MTOR: variants seen among roughly 807,000 people sequenced by gnomAD.
MTOR encodes mechanistic target of rapamycin kinase.
Under a neutral mutation model 319.8 loss-of-function variants are expected in MTOR, and 70 were observed. That is an observed-to-expected ratio of 0.22 (90% CI 0.18 to 0.27). The LOEUF is 0.27. Among genes scored for constraint, MTOR ranks in the 10% least tolerant of loss-of-function variants. The pLI is 1.00. For missense variants in MTOR, 1,890 were observed against 3,274.4 expected (o/e 0.58, Z 10.32); for synonymous variants, 1,183 against 1,211.4 (o/e 0.98, Z 0.49).
At chr1:11,160,077 T>C (rs546146608) in intron 29 of MTOR, among the ~76,000 whole-genome samples, 1 of 144,858 alleles carries the variant, frequency 6.9e-6, no homozygotes, top group East Asian at 2.0e-4. Context: ...AATTATAGCA[T>C]TTATTTATTT....
At chr1:11,172,422 G>C (rs1315676511) in intron 28 of MTOR, among the ~76,000 whole-genome samples, 1 of 150,582 alleles carries the variant, frequency 6.6e-6, no homozygotes, top group Non-Finnish European at 1.5e-5. Flanking sequence ...GCCAGGCATG[G>C]TGGTGGGCGC....
intron 30 of MTOR, 95 bp from the exon 31 acceptor site, chr1:11,150,321 G>A: frequency 1.1e-6 from 1 of 948,318 alleles, no homozygotes; most frequent in East Asian, 2.7e-5. Flanking sequence ...GGACTACACA[G>A]GAACTGGACA....
At chr1:11,228,556 G>T in intron 19 of MTOR, 112 bp downstream of exon 19, 2 of 1,385,346 alleles carry the variant, frequency 1.4e-6, no homozygotes, top group Non-Finnish European at 2.0e-6. Context: ...GGGGAGGAAG[G>T]CATTGGGCTC....
At chr1:11,144,870 C>A in intron 33 of MTOR, 98 bp downstream of exon 33, 1 of 1,515,444 alleles carries the variant, frequency 6.6e-7, no homozygotes, top group South Asian at 1.1e-5. Context: ...AGAAAACAGG[C>A]ATGTTTCCAG....
intron 31 of MTOR, among the ~76,000 whole-genome samples, chr1:11,148,726 C>T (rs771292528): frequency 2.0e-4 from 30 of 152,028 alleles, no homozygotes; most frequent in Middle Eastern, 6.8e-3. Flanking sequence ...ATGGTGAAAC[C>T]CCGTCTCTAC....
At chr1:11,116,219 TTTGG>T (rs1642157998) in intron 50 of MTOR, among the ~76,000 whole-genome samples, 1 of 152,348 alleles carries the variant, frequency 6.6e-6, no homozygotes, top group East Asian at 1.9e-4. Flanking sequence ...AAGGATCTAC[TTTGG>T]TTGGTTTCAA....
At chr1:11,114,601 C>T in intron 52 of MTOR, 148 bp from the exon 53 acceptor site, 3 of 1,224,772 alleles carry the variant, frequency 2.4e-6, no homozygotes, top group South Asian at 2.9e-5. Flanking sequence ...GGAATCAGGG[C>T]AGGACTGTGA....
rs1642100566 is a variant in MTOR, at chr1:11,115,160, G to A, written c.7089+236C>T. 6.6e-6 allele frequency among the ~76,000 whole-genome samples: 1 copy of A among 152,316 alleles called. No individual in the cohort carries two copies. Among genetic ancestry groups the A allele is most frequent in the South Asian group, 2.1e-4 (1 of 4,830 alleles). ...GCTCTTGGGCAACAGGTGGTATGGAGGGTAGGGGCCTACTCTACTCAGAGG... is the reference window on the plus strand; with the variant it reads ...GCTCTTGGGCAACAGGTGGTATGGAAGGTAGGGGCCTACTCTACTCAGAGG... On this transcript the variant is annotated intron_variant, in intron 51 of 57. Transcript: ENST00000361445. This position sits in a 1 kb window ranked among gnomAD's most constrained non-coding sequence, Gnocchi z 4.5.
At position 11,107,364 on chromosome 1, in the gene MTOR, AT is replaced by A. The variant is rs2100275667; in HGVS notation, c.*120del. ...CTTTTAATATACAGTAGTTCTTTTCATTTACATTTCAAAATATTTAACAAAG... is the reference window on the plus strand; with the variant it reads ...CTTTTAATATACAGTAGTTCTTTTCATTACATTTCAAAATATTTAACAAAG... On this transcript the variant is annotated 3_prime_UTR_variant, in exon 58 of 58. Coordinates refer to ENST00000361445, the MANE Select transcript of MTOR (RefSeq NM_004958.4). 13 of 1,548,286 alleles carry A rather than the reference AT, an allele frequency of 8.4e-6. No homozygotes were observed. The South Asian group carries it at 1.1e-4, about 13-fold the overall frequency.
intron 28 of MTOR, among the ~76,000 whole-genome samples, chr1:11,175,709 T>G (rs987348585): frequency 6.7e-6 from 1 of 150,062 alleles, no homozygotes; most frequent in Non-Finnish European, 1.5e-5. Flanking sequence ...GCCTGCTGCC[T>G]CCCCATAGCC....
chr1:11,256,815 G>T, intron 4 of MTOR, 118 bp downstream of exon 4: 1 of 941,362 alleles, frequency 1.1e-6, no homozygotes, highest in Non-Finnish European at 1.6e-6. Context: ...TCACAGCCTG[G>T]AATCCTAGCT....
intron 19 of MTOR, among the ~76,000 whole-genome samples, chr1:11,225,557 G>C (rs1646807888): frequency 6.6e-6 from 1 of 151,946 alleles, no homozygotes; most frequent in African/African-American, 2.4e-5. Context: ...GAGTAGCTGG[G>C]ATTACAAGCA....
Position 11,222,932 on chromosome 1 carries a change from C to G in MTOR, c.3030+5736G>C, listed in dbSNP as rs375669240. Among the ~76,000 whole-genome samples, 40 of 152,142 alleles carry G rather than the reference C, an allele frequency of 2.6e-4. 1 individual carries two copies. The South Asian group carries it at 7.9e-3, about 30-fold the overall frequency. On this transcript the variant is annotated intron_variant, in intron 19 of 57. Coordinates refer to ENST00000361445, the MANE Select transcript of MTOR (RefSeq NM_004958.4). ...GACAATATCCGAACCCACTGATCAG[C>G]CTTTACATCACTAGCAGTGGGTCAT...
At chr1:11,152,660 G>A (rs528466303) in intron 30 of MTOR, among the ~76,000 whole-genome samples, 1 of 152,258 alleles carries the variant, frequency 6.6e-6, no homozygotes, top group Admixed American at 6.5e-5. Context: ...CCTCCTGGAG[G>A]CAGATAAGAA....
chr1:11,110,818 GCAC>G (rs1019660039), intron 54 of MTOR, among the ~76,000 whole-genome samples: 1 of 152,118 alleles, frequency 6.6e-6, no homozygotes, highest in African/African-American at 2.4e-5. Context: ...TTACAGGTGT[GCAC>G]CACAACACCC....
At position 11,235,297 on chromosome 1, in the gene MTOR, G is replaced by A. The variant is rs142114352; in HGVS notation, c.2209-1032C>T. Among the ~76,000 whole-genome samples the A allele has an allele frequency of 1.4e-3, 220 of 152,202 alleles. 2 individuals carry two copies. The highest frequency in any genetic ancestry group is 5.2e-3 in the African/African-American group (216 of 41,526). Reference sequence around the variant, plus strand: ...CTGCATCCTAATAACAATAACCAATGCCCACCCTGATGACCAAGACCGCAA... The same window carrying A: ...CTGCATCCTAATAACAATAACCAATACCCACCCTGATGACCAAGACCGCAA... On this transcript the variant is annotated intron_variant, in intron 13 of 57. Coordinates refer to ENST00000361445, the MANE Select transcript of MTOR (RefSeq NM_004958.4).
Position 11,253,338 on chromosome 1 carries a change from A to T in MTOR, c.840+501T>A, listed in dbSNP as rs1649946666. Among the ~76,000 whole-genome samples, 3 of 152,198 alleles carry T rather than the reference A, an allele frequency of 2.0e-5. No homozygotes were observed. In the South Asian group the frequency reaches 6.2e-4, roughly 32 times the overall value. On this transcript the variant is annotated intron_variant, in intron 6 of 57. Coordinates refer to ENST00000361445, the MANE Select transcript of MTOR (RefSeq NM_004958.4). ...TTCCTATAAGCAGTCAGTGATTGTTAGAAACGCATGACATCACATTATTCG... is the reference window on the plus strand; with the variant it reads ...TTCCTATAAGCAGTCAGTGATTGTTTGAAACGCATGACATCACATTATTCG...
chr1:11,229,536 T>G (rs1215980141), intron 18 of MTOR, among the ~76,000 whole-genome samples: 1 of 152,224 alleles, frequency 6.6e-6, no homozygotes, highest in African/African-American at 2.4e-5. Flanking sequence ...GCTCAGGCCC[T>G]GCTCTCAACA....
intron 28 of MTOR, among the ~76,000 whole-genome samples, chr1:11,176,184 T>G (rs565720979): frequency 6.6e-6 from 1 of 152,180 alleles, no homozygotes; most frequent in African/African-American, 2.4e-5. Context: ...CTGGAGAACA[T>G]TGTCTCTGGA....
Sources: gnomAD v4.1 joint callset for allele counts (sites outside exome capture counted in the v4.1 genomes callset) on GRCh38, gnomAD v4.1.1 for gene constraint, Gnocchi (gnomAD v3.1) non-coding constraint, MANE v1.5 for transcripts, NCBI Gene and HGNC (gene_info 2026-07-23, HGNC 2026-07-21) for gene names.